The following PUM1 variants were observed in gnomAD, a reference collection of about 807,000 sequenced individuals.
PUM1 encodes the protein pumilio RNA binding family member 1, also known as pumilio homolog 1.
Under a neutral mutation model 131.8 loss-of-function variants are expected in PUM1, and 13 were observed. The ratio of observed to expected loss-of-function variants is 0.10; its 90% CI spans 0.06 to 0.16. The LOEUF (loss-of-function observed/expected upper bound fraction) is 0.16. Among genes scored for constraint, PUM1 ranks in the 10% least tolerant of loss-of-function variants. The pLI is 1.00. For missense variants in PUM1, 961 were observed against 1,512.4 expected, an observed-to-expected ratio of 0.64 and a Z score of 6.05; for synonymous variants, 509 against 556.5, an observed-to-expected ratio of 0.91 and a Z score of 1.20.
chr1:30,984,924 C>A (rs1243541000), intron 7 of PUM1, among the ~76,000 whole-genome samples: 1 of 152,022 alleles, frequency 6.6e-6, no homozygotes, highest in Admixed American at 6.5e-5. Context: ...CGCCCCCACT[C>A]CCCCCTGGCC....
At chr1:30,933,433 C>CACACAG in intron 21 of PUM1, 91 bp from the exon 22 acceptor site, 1 of 870,604 alleles carries the variant, frequency 1.1e-6, no homozygotes. Context: ...ATGCATCACA[C>CACACAG]ACACATACAC....
intron 9 of PUM1, among the ~76,000 whole-genome samples, chr1:30,975,197 T>C (rs1201466926): frequency 1.3e-5 from 2 of 152,212 alleles, no homozygotes; most frequent in Non-Finnish European, 2.9e-5. Context: ...GGATGTATCC[T>C]ATGTTCAATG....
chr1:30,992,100 G>A (rs2124485458), intron 7 of PUM1, among the ~76,000 whole-genome samples: 1 of 152,236 alleles, frequency 6.6e-6, no homozygotes, highest in African/African-American at 2.4e-5. Flanking sequence ...CACCCGAGAG[G>A]GTTGTGTTAC....
chr1:30,975,920 T>TAA (rs940435228), intron 9 of PUM1, among the ~76,000 whole-genome samples: 3 of 151,610 alleles, frequency 2.0e-5, no homozygotes, highest in African/African-American at 7.3e-5. Flanking sequence ...CCATCTCTAC[T>TAA]AAAAAAATAT....
intron 14 of PUM1, among the ~76,000 whole-genome samples, chr1:30,961,786 C>T (rs6664832): frequency 0.018 from 2,775 of 151,832 alleles, 48 homozygotes; most frequent in South Asian, 0.037. Context: ...GTTTTGTGGT[C>T]GATATCATTA....
intron 17 of PUM1, among the ~76,000 whole-genome samples, chr1:30,946,144 A>T (rs952610341): frequency 6.6e-6 from 1 of 152,212 alleles, no homozygotes; most frequent in African/African-American, 2.4e-5. Flanking sequence ...AGAAGCCTAC[A>T]TCAGGAACAG....
Position 30,933,357 on chromosome 1 carries a change from C to G in PUM1, c.3436-15G>C, listed in dbSNP as rs1305113531. 7.5e-6 allele frequency: 12 copies of G among 1,606,024 alleles called. No homozygotes were observed. The highest frequency in any genetic ancestry group is 1.3e-5 in the African/African-American group (1 of 74,644). ...TGGGGCCGGATCTGGGGAGGAAAGA[C>G]AGTCTGTGTTACATGGCCTGAGATG... On this transcript the variant is annotated splice_polypyrimidine_tract_variant and intron_variant, in intron 21 of 21. Coordinates refer to ENST00000426105, the MANE Select transcript of PUM1 (RefSeq NM_001020658.2).
chr1:30,936,464 G>T (rs563176665), intron 21 of PUM1, among the ~76,000 whole-genome samples, 179 bp downstream of exon 21: 2 of 152,274 alleles, frequency 1.3e-5, no homozygotes, highest in East Asian at 3.9e-4. Flanking sequence ...GATAAGGGAG[G>T]GTTGGCAAAT....
At chr1:31,027,384 C>T (rs1488194145) in intron 3 of PUM1, among the ~76,000 whole-genome samples, 1 of 152,204 alleles carries the variant, frequency 6.6e-6, no homozygotes, top group Non-Finnish European at 1.5e-5. Flanking sequence ...GTTTCTCTTT[C>T]TATACTTAAT....
At chr1:31,032,742 G>C (rs1033781658) in intron 2 of PUM1, among the ~76,000 whole-genome samples, 1 of 152,286 alleles carries the variant, frequency 6.6e-6, no homozygotes, top group Admixed American at 6.5e-5. Context: ...CGGAGATGGA[G>C]GCTGCAATGA....
At chr1:30,938,585 C>T (rs1308054646) in intron 20 of PUM1, among the ~76,000 whole-genome samples, 1 of 152,080 alleles carries the variant, frequency 6.6e-6, no homozygotes, top group Non-Finnish European at 1.5e-5. Context: ...AGATTCTCAG[C>T]CGGGCACGGT....
chr1:31,019,605 T>C (rs1056289223), intron 3 of PUM1, among the ~76,000 whole-genome samples: 2 of 152,228 alleles, frequency 1.3e-5, no homozygotes, highest in African/African-American at 4.8e-5. Flanking sequence ...TTACACTCCA[T>C]GTTATTTTGT....
chr1:31,051,043 T>C (rs1189021214), intron 2 of PUM1: 3 of 153,244 alleles, frequency 2.0e-5, no homozygotes, highest in Non-Finnish European at 4.4e-5. Context: ...TTGGGCTGCA[T>C]TAAGTTGGAC....
At chr1:31,063,713 G>A (rs899378300) in intron 1 of PUM1, among the ~76,000 whole-genome samples, 4 of 152,156 alleles carry the variant, frequency 2.6e-5, no homozygotes, top group Non-Finnish European at 5.9e-5. Context: ...CATTCTAAAA[G>A]GAATGGGGGA....
chr1:30,938,217 G>T (rs1449736224), intron 20 of PUM1, among the ~76,000 whole-genome samples: 2 of 152,052 alleles, frequency 1.3e-5, no homozygotes, highest in African/African-American at 4.8e-5. Context: ...AGACATTTTT[G>T]ATGGTGACCC....
chr1:30,942,229 A>ATATATATATATATG (rs1639480871), intron 18 of PUM1, 106 bp from the exon 19 acceptor site: 1 of 149,798 alleles, frequency 6.7e-6, no homozygotes, highest in African/African-American at 3.4e-5. Flanking sequence ...ATATATATAT[A>ATATATATATATATG]TATATATGTA....
intron 6 of PUM1, among the ~76,000 whole-genome samples, chr1:30,994,832 G>A (rs958040350): frequency 2.0e-5 from 3 of 152,158 alleles, no homozygotes; most frequent in Non-Finnish European, 4.4e-5. Context: ...CTATGCAAAT[G>A]CAAAATCTAT....
intron 6 of PUM1, among the ~76,000 whole-genome samples, chr1:30,994,697 G>C (rs144423562): frequency 2.7e-4 from 41 of 152,274 alleles, no homozygotes; most frequent in Middle Eastern, 3.4e-3. Flanking sequence ...AGTAACCATA[G>C]CTCTCTAATA....
intron 17 of PUM1, among the ~76,000 whole-genome samples, chr1:30,947,430 G>T (rs1639722545): frequency 6.6e-6 from 1 of 152,230 alleles, no homozygotes; most frequent in Non-Finnish European, 1.5e-5. Context: ...TTAATGAAAA[G>T]TGTGCAAACA....
Sources: gnomAD v4.1 joint callset for allele counts (sites outside exome capture counted in the v4.1 genomes callset) on GRCh38, gnomAD v4.1.1 for gene constraint, MANE v1.5 for transcripts, NCBI Gene and HGNC (gene_info 2026-07-23, HGNC 2026-07-21) for gene names.